The following FAM20B variants were observed in gnomAD, a reference collection of about 807,000 sequenced individuals.
FAM20B encodes glycosaminoglycan xylosylkinase.
Under a neutral mutation model 43.8 loss-of-function variants are expected in FAM20B, and 23 were observed. The ratio of observed to expected loss-of-function variants is 0.53; its 90% confidence interval spans 0.38 to 0.74. The LOEUF (loss-of-function observed/expected upper bound fraction) is 0.74, where lower values mean the gene tolerates loss of function less well. Among genes scored for constraint, FAM20B ranks in the 30% least tolerant of loss-of-function variants. FAM20B has a pLI of 0.00. For synonymous variants in FAM20B, 178 were observed against 192.4 expected (o/e 0.93, Z 0.62); for missense variants, 440 against 510.5 (o/e 0.86, Z 1.33).
chr1:179,065,357 G>C (rs1296754084), intron 6 of FAM20B, among the ~76,000 whole-genome samples: 3 of 152,036 alleles, frequency 2.0e-5, no homozygotes, highest in African/African-American at 7.2e-5. Context: ...GGCTGGTCTT[G>C]AACTCCTGAC....
At chr1:179,046,509 G>A (rs541907976) in intron 2 of FAM20B, among the ~76,000 whole-genome samples, 16 of 149,540 alleles carry the variant, frequency 1.1e-4, no homozygotes, top group Admixed American at 4.7e-4. Context: ...AAAATTAGCC[G>A]GGCGTTTTGG....
Position 179,044,020 on chromosome 1 carries a change from A to G in FAM20B, c.173A>G (p.His58Arg), listed in dbSNP as rs1008960850. 2 of 1,614,194 alleles carry G rather than the reference A, an allele frequency of 1.2e-6. No individual in the cohort carries two copies. The highest frequency in any genetic ancestry group is 1.7e-6 in the Non-Finnish European group (2 of 1,180,034). ...LRVELAPKLD[H>R]TLQSPWEIAA... The stretch of plus-strand genomic sequence containing the variant: ...GTGGAGCTGGCACCCAAGCTGGACC[A>G]TACCTTGCAGTCTCCCTGGGAGATT... Residue 58 changes from histidine to arginine, a missense_variant, in exon 2 of 8, where the codon CAT becomes CGT. His to Arg is a conservative substitution (Grantham distance 29). Transcript: ENST00000263733.
chr1:179,045,645 C>T (rs1650733890), intron 2 of FAM20B, among the ~76,000 whole-genome samples: 1 of 152,196 alleles, frequency 6.6e-6, no homozygotes, highest in Admixed American at 6.5e-5. Flanking sequence ...TGGCTCATGC[C>T]TGTAATCCCA....
chr1:179,063,116 C>A (rs988993838), intron 4 of FAM20B, among the ~76,000 whole-genome samples: 12 of 151,948 alleles, frequency 7.9e-5, no homozygotes, highest in Non-Finnish European at 1.5e-4. Flanking sequence ...GTCTCTACTA[C>A]AAATACAAAA....
chr1:179,030,338 C>T (rs1045048333), intron 1 of FAM20B, among the ~76,000 whole-genome samples: 1 of 151,904 alleles, frequency 6.6e-6, no homozygotes, highest in Non-Finnish European at 1.5e-5. Context: ...AGTACTTACT[C>T]GTGTGGGTTC....
chr1:179,027,026 ATGAGAGTTGCTTGCTAT>A (rs1557863597), intron 1 of FAM20B, among the ~76,000 whole-genome samples: 1 of 152,246 alleles, frequency 6.6e-6, no homozygotes, highest in Non-Finnish European at 1.5e-5. Context: ...ATTTGGGAAA[ATGAGAGTTGCTTGCTAT>A]TGCGACTTGG....
intron 1 of FAM20B, chr1:179,035,498 G>A: frequency 2.9e-6 from 2 of 684,488 alleles, no homozygotes; most frequent in South Asian, 1.4e-5. Context: ...CTTCAGAAAT[G>A]TCCCTGACTG....
At chr1:179,054,776 T>G (rs896329075) in intron 4 of FAM20B, 138 bp downstream of exon 4, 1 of 494,804 alleles carries the variant, frequency 2.0e-6, no homozygotes, top group Non-Finnish European at 3.6e-6. Context: ...CAACCAGCTC[T>G]CAGGTTATTT....
At chr1:179,035,354 A>G in intron 1 of FAM20B, 1 of 695,380 alleles carries the variant, frequency 1.4e-6, no homozygotes, top group Non-Finnish European at 2.7e-6. Context: ...ACAGGTCTAA[A>G]TCGGGGTAGG....
At chr1:179,022,642 C>T (rs921652135), upstream of FAM20B, among the ~76,000 whole-genome samples, 1 of 152,096 alleles carries the variant, frequency 6.6e-6, no homozygotes. Flanking sequence ...ATGAAGGAAC[C>T]AAGAAATAAG....
rs1386113103 is a variant in FAM20B, at chr1:179,074,107, A to G, written c.*1963A>G. ...TTGCATTGAAAGATAACTGAGTAAT[A>G]ACCTGTAACTATTTTTAAATGGCAT... On this transcript the variant is annotated 3_prime_UTR_variant, in exon 8 of 8. Coordinates refer to ENST00000263733, the MANE Select transcript of FAM20B (RefSeq NM_014864.4). The G allele has an allele frequency of 6.5e-6, 1 of 152,678 alleles. No individual in the cohort carries two copies. Among genetic ancestry groups the G allele is most frequent in the Non-Finnish European group, 1.5e-5 (1 of 68,038 alleles). The allele number at this position is 152,678 out of a possible 1,614,324, so 9.5% of individuals were successfully genotyped here. A position where few individuals can be genotyped will look rare whatever the true frequency, so the allele number is the denominator to read the frequency against.
chr1:179,043,578 T>TGG (rs1650633319), intron 1 of FAM20B, 137 bp from the exon 2 acceptor site: 1 of 341,122 alleles, frequency 2.9e-6, no homozygotes, highest in African/African-American at 2.1e-5. Context: ...GATTAGTTAA[T>TGG]TTTAAATTAT....
chr1:179,017,854 A>G, the FAM20B span, among the ~76,000 whole-genome samples: 1 of 152,278 alleles, frequency 6.6e-6, no homozygotes, highest in African/African-American at 2.4e-5. Context: ...TTAGGGCACC[A>G]TTTACTTGAA....
chr1:179,070,735 G>T (rs893345153), intron 7 of FAM20B, among the ~76,000 whole-genome samples: 2 of 151,588 alleles, frequency 1.3e-5, no homozygotes, highest in African/African-American at 4.8e-5. Flanking sequence ...ATGTTGGCCA[G>T]CCTGGTCTTG....
chr1:179,066,358 T>G (rs1327501551), intron 6 of FAM20B, among the ~76,000 whole-genome samples: 1 of 152,216 alleles, frequency 6.6e-6, no homozygotes, highest in Non-Finnish European at 1.5e-5. Context: ...AGGATATTGC[T>G]AATTTGGGAG....
At chr1:179,040,332 C>T (rs34686461) in intron 1 of FAM20B, among the ~76,000 whole-genome samples, 6 of 151,938 alleles carry the variant, frequency 3.9e-5, no homozygotes, top group Admixed American at 6.5e-5. Flanking sequence ...CCCCTCACCT[C>T]CTGGACGGGG....
upstream of FAM20B, among the ~76,000 whole-genome samples, chr1:179,023,471 A>C (rs1470570630): frequency 6.6e-6 from 1 of 152,222 alleles, no homozygotes; most frequent in African/African-American, 2.4e-5. Flanking sequence ...AGTCTTGACA[A>C]AGTGCTCAGA....
At chr1:179,068,062 C>A (rs2102526098) in intron 7 of FAM20B, among the ~76,000 whole-genome samples, 1 of 152,290 alleles carries the variant, frequency 6.6e-6, no homozygotes, top group East Asian at 1.9e-4. Context: ...CGCGCCCGAC[C>A]ATCCTGGTGT....
At chr1:179,039,551 A>G (rs1650392064) in intron 1 of FAM20B, among the ~76,000 whole-genome samples, 1 of 152,016 alleles carries the variant, frequency 6.6e-6, no homozygotes, top group Admixed American at 6.6e-5. Flanking sequence ...CCCAGTTTTG[A>G]TTATCCATGG....
Sources: allele counts gnomAD v4.1 joint callset (sites outside exome capture counted in the v4.1 genomes callset), GRCh38; gene constraint gnomAD v4.1.1; transcripts MANE v1.5; gene names NCBI Gene and HGNC (gene_info 2026-07-23, HGNC 2026-07-21).